LRRIQ1: variants seen among roughly 807,000 people sequenced by gnomAD.
LRRIQ1 encodes the protein leucine-rich repeat- and IQ domain-containing protein 1.
In LRRIQ1, 210 loss-of-function variants were observed where a neutral mutation model predicts 211.9. The ratio of observed to expected loss-of-function variants is 0.99; its 90% CI spans 0.89 to 1.11. LRRIQ1 has a LOEUF of 1.11. LRRIQ1 is among the 50% of genes most tolerant of loss of function. LRRIQ1 has a pLI of 0.00. For synonymous variants in LRRIQ1, 699 were observed against 650.1 expected, an observed-to-expected ratio of 1.08 and a Z score of -1.14; for missense variants, 2,136 against 1,939.5, an observed-to-expected ratio of 1.10 and a Z score of -1.90.
At chr12:85,233,903 T>C (rs1442462180) in intron 26 of LRRIQ1, among the ~76,000 whole-genome samples, 1 of 152,096 alleles carries the variant, frequency 6.6e-6, no homozygotes, top group Non-Finnish European at 1.5e-5. Context: ...ATTGAGATCA[T>C]AAATCTGCCA....
chr12:85,264,154 C>T (rs544784322), exon 2 of LRRIQ1: 1 of 152,012 alleles, frequency 6.6e-6, no homozygotes, highest in Non-Finnish European at 1.5e-5. Flanking sequence ...TATCCCCCAT[C>T]TACTTTTGGA....
At chr12:85,238,155 A>T (rs921165830) in intron 26 of LRRIQ1, among the ~76,000 whole-genome samples, 4 of 152,054 alleles carry the variant, frequency 2.6e-5, no homozygotes, top group Non-Finnish European at 4.4e-5. Context: ...GGACTTAATA[A>T]ATTAGACATT....
At chr12:85,215,319 G>A (rs1276424768) in intron 24 of LRRIQ1, among the ~76,000 whole-genome samples, 1 of 152,110 alleles carries the variant, frequency 6.6e-6, no homozygotes, top group Non-Finnish European at 1.5e-5. Context: ...TGCATCATAG[G>A]AAGCCTTGCA....
intron 24 of LRRIQ1, among the ~76,000 whole-genome samples, chr12:85,165,298 C>T (rs1198742743): frequency 6.6e-6 from 1 of 151,888 alleles, no homozygotes; most frequent in Non-Finnish European, 1.5e-5. Context: ...CTCCCTCTCT[C>T]CCCACTCTAG....
At chr12:85,112,465 C>T (rs1415330632) in intron 15 of LRRIQ1, among the ~76,000 whole-genome samples, 1 of 127,108 alleles carries the variant, frequency 7.9e-6, no homozygotes, top group Non-Finnish European at 1.7e-5. Flanking sequence ...TAAACATATG[C>T]TATTATTTTC....
chr12:85,117,570 G>C (rs1489987859), intron 15 of LRRIQ1, among the ~76,000 whole-genome samples: 3 of 152,062 alleles, frequency 2.0e-5, no homozygotes, highest in African/African-American at 7.2e-5. Flanking sequence ...GTCCACTCTA[G>C]AGATCAAGGT....
chr12:85,156,786 G>A (rs2136697943), intron 23 of LRRIQ1, among the ~76,000 whole-genome samples: 1 of 149,678 alleles, frequency 6.7e-6, no homozygotes, highest in African/African-American at 2.5e-5. Context: ...CTATAAAACT[G>A]CTGCGAGACT....
intron 24 of LRRIQ1, among the ~76,000 whole-genome samples, chr12:85,186,787 C>A (rs570800387): frequency 6.6e-6 from 1 of 151,814 alleles, no homozygotes; most frequent in African/African-American, 2.4e-5. Context: ...ACATACATAC[C>A]TTTGCCTGCC....
At chr12:85,106,305 C>CA (rs1349227678) in intron 14 of LRRIQ1, among the ~76,000 whole-genome samples, 2 of 152,120 alleles carry the variant, frequency 1.3e-5, no homozygotes, top group Admixed American at 1.3e-4. Context: ...AGCAGATTTG[C>CA]AAAAGTTCAC....
At chr12:85,256,463 TGAATGAAACTG>T (rs1896097098) in intron 1 of LRRIQ1, among the ~76,000 whole-genome samples, 1 of 151,730 alleles carries the variant, frequency 6.6e-6, no homozygotes, top group South Asian at 2.1e-4. Context: ...ATTTGTCGAA[TGAATGAAACTG>T]GAGTGAAATA....
At chr12:85,185,081 G>A (rs1339038735) in intron 24 of LRRIQ1, among the ~76,000 whole-genome samples, 2 of 151,742 alleles carry the variant, frequency 1.3e-5, no homozygotes, top group Non-Finnish European at 2.9e-5. Flanking sequence ...AAAACTATAG[G>A]GTTGATTAAA....
chr12:85,094,181 A>G (rs928770594), intron 11 of LRRIQ1, among the ~76,000 whole-genome samples: 1 of 152,200 alleles, frequency 6.6e-6, no homozygotes, highest in African/African-American at 2.4e-5. Context: ...GATAGCAACC[A>G]AAATGAGATT....
rs145255332 is a variant in LRRIQ1 at position 85,114,405 on chromosome 12, T to C, written c.3378-7292T>C. ...TTATCTTGCTGATCTGGTGTCACTTTCCATCCAAATAGCTGCCACATTGCC... is the reference window on the plus strand; with the variant it reads ...TTATCTTGCTGATCTGGTGTCACTTCCCATCCAAATAGCTGCCACATTGCC... On this transcript the variant is annotated intron_variant, in intron 15 of 26. Transcript: ENST00000393217. Among the ~76,000 whole-genome samples the C allele has an allele frequency of 4.2e-3, 633 of 152,316 alleles. 4 individuals are homozygous for C. The highest frequency in any genetic ancestry group is 0.015 in the African/African-American group (603 of 41,562).
chr12:85,072,222 A>G (rs1883160435), intron 10 of LRRIQ1, among the ~76,000 whole-genome samples: 2 of 146,942 alleles, frequency 1.4e-5, no homozygotes, highest in South Asian at 2.1e-4. Context: ...TAAAATTTCC[A>G]TATAGAAAGG....
At chr12:85,102,957 AAAATAT>A (rs1322547603) in intron 13 of LRRIQ1, among the ~76,000 whole-genome samples, 13 of 117,372 alleles carry the variant, frequency 1.1e-4, no homozygotes, top group African/African-American at 3.5e-4. Context: ...AAAAAAAAAA[AAAATAT>A]ATATATATAT....
chr12:85,041,304 GA>G (rs2135878262), intron 3 of LRRIQ1, among the ~76,000 whole-genome samples: 1 of 151,790 alleles, frequency 6.6e-6, no homozygotes, highest in African/African-American at 2.4e-5. Context: ...ATACAGCAGT[GA>G]ACAAAACAGG....
chr12:85,141,450 A>C (rs187528399), intron 19 of LRRIQ1, among the ~76,000 whole-genome samples: 39 of 151,372 alleles, frequency 2.6e-4, no homozygotes, highest in Non-Finnish European at 4.1e-4. Flanking sequence ...GGGCATACAC[A>C]TTTTAAGGCT....
chr12:85,205,265 G>A (rs1223023404), intron 24 of LRRIQ1, among the ~76,000 whole-genome samples: 1 of 152,122 alleles, frequency 6.6e-6, no homozygotes, highest in Non-Finnish European at 1.5e-5. Context: ...CCATTCGTGG[G>A]TATGTCTTTA....
chr12:85,055,500 C>A lies in LRRIQ1; in HGVS notation c.754-47C>A, dbSNP rs1344154768. ...ATTTCAGATGACATTTTAGTAACAT[C>A]TCATGTTTAGTTTATGCTGACTACC... On this transcript the variant is annotated intron_variant, in intron 7 of 26. Coordinates refer to ENST00000393217, the MANE Select transcript of LRRIQ1 (RefSeq NM_001079910.2). The A allele has an allele frequency of 5.3e-6, 7 of 1,320,684 alleles. No homozygotes were observed. The South Asian group carries it at 1.4e-4, about 26-fold the overall frequency. 81.8% of individuals were successfully genotyped at this position (1,320,684 alleles called of 1,614,324 possible). A position where few individuals can be genotyped will look rare whatever the true frequency, so the allele number is the denominator to read the frequency against.
Sources: gnomAD v4.1 joint callset for allele counts (sites outside exome capture counted in the v4.1 genomes callset) on GRCh38, gnomAD v4.1.1 for gene constraint, MANE v1.5 for transcripts, NCBI Gene and HGNC (gene_info 2026-07-23, HGNC 2026-07-21) for gene names.